The following ITIH6 variants were observed in gnomAD, a reference collection of about 807,000 sequenced individuals.
The protein encoded by ITIH6 is inter-alpha-trypsin inhibitor heavy chain family member 6.
Under a neutral mutation model 58.2 loss-of-function variants are expected in ITIH6, and 60 were observed. The observed-to-expected ratio is 1.03, with a 90% CI of 0.84 to 1.28. The LOEUF (loss-of-function observed/expected upper bound fraction) is 1.28. ITIH6 is among the 50% of genes most tolerant of loss of function. The pLI, the probability that ITIH6 is intolerant of heterozygous loss-of-function variation, is 0.00. For synonymous variants in ITIH6, 493 were observed against 417.4 expected (o/e 1.18, Z -2.21); for missense variants, 1,290 against 1,021.1 (o/e 1.26, Z -3.59).
chrX:54,754,037 C>G, intron 9 of ITIH6, 72 bp from the exon 10 acceptor site: 1 of 1,059,034 alleles, frequency 9.4e-7, no homozygotes, highest in Non-Finnish European at 1.3e-6. Context: ...GGGACATACT[C>G]CCAGATAAGG....
chrX:54,769,412 T>C (rs1196268027), intron 6 of ITIH6, among the ~76,000 whole-genome samples: 2 of 101,779 alleles, frequency 2.0e-5, no homozygotes, highest in Non-Finnish European at 4.0e-5. Context: ...CTTTGTTCCG[T>C]TGCTGGTGAG....
intron 11 of ITIH6, among the ~76,000 whole-genome samples, chrX:54,752,176 A>G (rs1327096034): frequency 3.6e-5 from 4 of 111,513 alleles, no homozygotes; most frequent in Non-Finnish European, 7.5e-5. Flanking sequence ...TTTATGAAAA[A>G]CTATGGATGG....
chrX:54,757,698 G>A lies in ITIH6; in HGVS notation c.2376C>T (p.Pro792=), dbSNP rs754005644. The change falls in exon 8 of 13, where the codon CCC becomes CCT. Residue 792 remains proline (P), a synonymous_variant. Coordinates refer to ENST00000218436, the MANE Select transcript of ITIH6 (RefSeq NM_198510.3). ...CCTGTGATGTGAGTGCCCCAAGTTG[G>A]GGGTGCGATGGAGCACCAGGTTTGG... is the stretch of plus-strand genomic sequence containing the variant. ...LHSKPGAPSH[P]QLGALTSQAP... is the part of the protein sequence containing the mutation. 6 of 1,208,883 alleles carry A rather than the reference G, an allele frequency of 5.0e-6. No homozygotes were observed. In the African/African-American group the frequency reaches 8.8e-5, roughly 18 times the overall value.
chrX:54,781,019 TGGGATAACAGGCAAG>T (rs1349848404), intron 5 of ITIH6, among the ~76,000 whole-genome samples: 1 of 111,324 alleles, frequency 9.0e-6, no homozygotes, highest in African/African-American at 3.3e-5. Context: ...TAAATGGTGG[TGGGATAACAGGCAAG>T]CCATTTGCAG....
intron 6 of ITIH6, among the ~76,000 whole-genome samples, chrX:54,761,911 G>T (rs1280278081): frequency 1.8e-5 from 2 of 111,701 alleles, no homozygotes; most frequent in Non-Finnish European, 3.8e-5. Flanking sequence ...AGACTGACTT[G>T]GCAATGTGGG....
intron 6 of ITIH6, among the ~76,000 whole-genome samples, chrX:54,766,386 C>T (rs1204622894): frequency 1.3e-5 from 1 of 78,706 alleles, no homozygotes; most frequent in African/African-American, 5.0e-5. Flanking sequence ...TTATTTCCTT[C>T]TCCTGCCTGA....
chrX:54,779,997 C>T (rs894628291), intron 5 of ITIH6, among the ~76,000 whole-genome samples: 2 of 111,154 alleles, frequency 1.8e-5, no homozygotes, highest in African/African-American at 6.5e-5. Context: ...AATATATGTA[C>T]CCAACACTGG....
Position 54,753,738 on chromosome X carries a change from G to T in ITIH6, c.3265C>A (p.Gln1089Lys). The part of the protein sequence containing the change: ...SVDGDPHFVI[Q>K]IPHSEEKICF... ...ATCTTCTCTTCTGAGTGTGGGATTT[G>T]GATCACAAAGTGGGGGTCCCCGTCC... The change falls in exon 11 of 13, where the codon CAA (glutamine) becomes AAA (lysine). Residue 1089 changes from glutamine to lysine, a missense_variant. Transcript: ENST00000218436. 1 of 1,210,130 alleles carries T rather than the reference G, an allele frequency of 8.3e-7. No individual in the cohort carries two copies. Among genetic ancestry groups the T allele is most frequent in the South Asian group, 1.8e-5 (1 of 56,918 alleles).
intron 6 of ITIH6, among the ~76,000 whole-genome samples, chrX:54,762,212 A>C (rs978440776): frequency 9.0e-6 from 1 of 111,305 alleles, no homozygotes; most frequent in Non-Finnish European, 1.9e-5. Context: ...TGTGACTGGG[A>C]GTTCACTCAT....
At chrX:54,778,975 G>T (rs1929102101) in intron 5 of ITIH6, among the ~76,000 whole-genome samples, 1 of 112,336 alleles carries the variant, frequency 8.9e-6, no homozygotes, top group Non-Finnish European at 1.9e-5. Flanking sequence ...AGAGTGTCAT[G>T]ATGTATTTAA....
At chrX:54,772,879 T>A (rs144176186) in intron 6 of ITIH6, among the ~76,000 whole-genome samples, 274 of 111,692 alleles carry the variant, frequency 2.5e-3, no homozygotes, top group African/African-American at 8.6e-3. Flanking sequence ...CAAGCCATTT[T>A]CCAAATGCAG....
intron 6 of ITIH6, among the ~76,000 whole-genome samples, chrX:54,765,594 C>CTTTTTTTTTTT (rs1178444249): frequency 1.3e-5 from 1 of 79,211 alleles, no homozygotes; most frequent in African/African-American, 4.5e-5. Flanking sequence ...TATTTCTTTT[C>CTTTTTTTTTTT]TTTTTTTTTT....
Position 54,790,935 on chromosome X carries a change from C to T in ITIH6, c.518G>A (p.Arg173Lys). The T allele has an allele frequency of 8.2e-7, 1 of 1,212,375 alleles. No homozygotes were observed. The highest frequency in any genetic ancestry group is 1.1e-6 in the Non-Finnish European group (1 of 895,629). ...VSLRPGQLVK[R>K]LSIEVTVSER... ...TGACACTGTAACCTCTATGCTCAGC[C>T]TCTTCACCAATTGGCCAGGCCTCAG... Residue 173 changes from arginine (R) to lysine (K), a missense_variant, in exon 4 of 13, where the codon AGG becomes AAG. By Grantham distance (26) the Arg-to-Lys change is conservative. Coordinates refer to ENST00000218436, the MANE Select transcript of ITIH6 (RefSeq NM_198510.3).
Position 54,758,744 on chromosome X carries a change from C to G in ITIH6, c.1330G>C (p.Glu444Gln). ...ATGCGCCGGGCTATTCCCCGGTTTT[C>G]CAGGGACAGGCGGCGCAGCAGTGTA... Reference protein sequence around the residue: ...DFTLLRRLSLENRGIARRIYE... With the variant: ...DFTLLRRLSLQNRGIARRIYE... Residue 444 changes from glutamate to glutamine, a missense_variant, in exon 8 of 13, where the codon GAA becomes CAA. Physicochemically the swap from Glu to Gln is conservative, Grantham distance 29 (BLOSUM62 2). Transcript: ENST00000218436. The G allele has an allele frequency of 8.3e-7, 1 of 1,211,091 alleles. No homozygotes were observed. The highest frequency in any genetic ancestry group is 1.1e-6 in the Non-Finnish European group (1 of 895,145).
At chrX:54,750,853 G>T in intron 12 of ITIH6, 150 bp downstream of exon 12, 1 of 573,378 alleles carries the variant, frequency 1.7e-6, no homozygotes, top group Non-Finnish European at 2.6e-6. Flanking sequence ...CCATATCTGG[G>T]TCTGTCCTCT....
intron 6 of ITIH6, among the ~76,000 whole-genome samples, chrX:54,772,979 C>T (rs1268828797): frequency 2.1e-4 from 23 of 111,476 alleles, no homozygotes; most frequent in African/African-American, 7.5e-4. Context: ...CCATGTTGCC[C>T]AGGCTGGTCT....
At chrX:54,780,536 C>A in intron 5 of ITIH6, among the ~76,000 whole-genome samples, 1 of 111,694 alleles carries the variant, frequency 9.0e-6, no homozygotes, top group South Asian at 3.8e-4. Context: ...TCAGAGGGAA[C>A]TTTATAGCTG....
intron 4 of ITIH6, 76 bp downstream of exon 4, chrX:54,790,761 A>T: frequency 8.6e-7 from 1 of 1,159,953 alleles, no homozygotes; most frequent in Non-Finnish European, 1.2e-6. Flanking sequence ...CACTAGAGGG[A>T]AACCCAGTGG....
chrX:54,773,623 T>A (rs182088661), intron 6 of ITIH6, among the ~76,000 whole-genome samples: 192 of 109,992 alleles, frequency 1.7e-3, no homozygotes, highest in African/African-American at 6.2e-3. Flanking sequence ...AAGATTAAAA[T>A]CGATATGACT....
Sources: gnomAD v4.1 joint callset for allele counts (sites outside exome capture counted in the v4.1 genomes callset) on GRCh38, gnomAD v4.1.1 for gene constraint, MANE v1.5 for transcripts, NCBI Gene and HGNC (gene_info 2026-07-23, HGNC 2026-07-21) for gene names.